The following RPTOR variants were observed in gnomAD, a reference collection of about 807,000 sequenced individuals.
RPTOR encodes the protein regulatory-associated protein of mTOR.
Under a neutral mutation model 169.9 loss-of-function variants are expected in RPTOR, and 21 were observed. That is an observed-to-expected ratio of 0.12 (90% confidence interval 0.09 to 0.18). RPTOR has a LOEUF of 0.18. RPTOR is among the 10% of genes least tolerant of loss of function. The probability of loss-of-function intolerance (pLI) is 1.00; values close to 1 mark genes in which losing one functional copy is unlikely to be tolerated. For missense variants in RPTOR, 1,133 were observed against 1,855.9 expected, an observed-to-expected ratio of 0.61 and a Z score of 7.16; for synonymous variants, 732 against 753.2, an observed-to-expected ratio of 0.97 and a Z score of 0.46.
intron 3 of RPTOR, among the ~76,000 whole-genome samples, chr17:80,698,403 C>G (rs1192909060): frequency 2.0e-5 from 3 of 151,610 alleles, no homozygotes; most frequent in Non-Finnish European, 4.4e-5. Flanking sequence ...AAGAAAGACA[C>G]CAGCTCCTCG....
chr17:80,888,641 A>T (rs2068277969), intron 17 of RPTOR, among the ~76,000 whole-genome samples: 1 of 152,216 alleles, frequency 6.6e-6, no homozygotes, highest in Non-Finnish European at 1.5e-5. Flanking sequence ...GATGTCCTTG[A>T]GTCCTGGCAC....
chr17:80,780,593 G>A (rs979978564), intron 6 of RPTOR, among the ~76,000 whole-genome samples: 1 of 152,118 alleles, frequency 6.6e-6, no homozygotes, highest in African/African-American at 2.4e-5. Flanking sequence ...CAGTCAGAGC[G>A]GAACCGTGAC....
At chr17:80,919,272 A>C (rs1044586655) in intron 21 of RPTOR, among the ~76,000 whole-genome samples, 2 of 152,210 alleles carry the variant, frequency 1.3e-5, no homozygotes, top group Non-Finnish European at 2.9e-5. Flanking sequence ...ACGCTTTTGC[A>C]GGGGTTTCTT....
chr17:80,837,247 C>G (rs1035907973), intron 9 of RPTOR, among the ~76,000 whole-genome samples: 17 of 152,104 alleles, frequency 1.1e-4, no homozygotes, highest in African/African-American at 2.4e-5. Flanking sequence ...GGGAGCAGCT[C>G]TATGCATGGT....
chr17:80,883,277 A>T, intron 14 of RPTOR, 142 bp from the exon 15 acceptor site: 1 of 740,022 alleles, frequency 1.4e-6, no homozygotes, highest in African/African-American at 1.7e-5. Flanking sequence ...GTCCACGTAA[A>T]ATCCAGGAGT....
At chr17:80,825,509 C>T (rs1312083316) in intron 9 of RPTOR, among the ~76,000 whole-genome samples, 3 of 152,254 alleles carry the variant, frequency 2.0e-5, no homozygotes, top group Non-Finnish European at 4.4e-5. Flanking sequence ...CCTCTCCCAG[C>T]GTTGCTGGGG....
chr17:80,885,195 C>T, intron 17 of RPTOR, 47 bp downstream of exon 17: 2 of 1,539,462 alleles, frequency 1.3e-6, no homozygotes, highest in Non-Finnish European at 1.8e-6. Flanking sequence ...CAGGCTGGAC[C>T]CCGTGACACC....
intron 7 of RPTOR, among the ~76,000 whole-genome samples, chr17:80,817,647 G>T (rs552587445): frequency 3.9e-5 from 6 of 152,130 alleles, no homozygotes; most frequent in Admixed American, 2.6e-4. Flanking sequence ...GAGAAGGGGT[G>T]GGGGAGGGAG....
rs1312997940 is a variant in RPTOR at position 80,545,762 on chromosome 17, T to C, written c.133T>C (p.Leu45=). The C allele has an allele frequency of 6.8e-6, 11 of 1,613,374 alleles. No homozygotes were observed. The highest frequency in any genetic ancestry group is 9.3e-6 in the Non-Finnish European group (11 of 1,179,702). ...HCEKIEGSKS[L]AQSWRMKDRM... ...TGAGAAAATTGAAGGCTCCAAATCC[T>C]TAGCTCAGAGCTGGAGGATGAAGGA... Residue 45 remains leucine (L), a synonymous_variant, in exon 1 of 34, where the codon TTA becomes CTA. Coordinates refer to ENST00000306801, the MANE Select transcript of RPTOR (RefSeq NM_020761.3).
In RPTOR at chr17:80,964,722, G is replaced by C. The variant is rs902755306; in HGVS notation, c.*392G>C. 4.2e-5 allele frequency: 12 copies of C among 285,366 alleles called. No individual in the cohort carries two copies. The Admixed American group carries it at 4.8e-4, about 11-fold the overall frequency. 17.7% of individuals were successfully genotyped at this position (285,366 alleles called of 1,614,324 possible). A position where few individuals can be genotyped will look rare whatever the true frequency, so the allele number is the denominator to read the frequency against. ...CCGACAGAGCCCTGGCGGAGAGGCA[G>C]GCGCTGGGGCTCCTACGGGTCCCTG... On this transcript the variant is annotated 3_prime_UTR_variant, in exon 34 of 34. Coordinates refer to ENST00000306801, the MANE Select transcript of RPTOR (RefSeq NM_020761.3).
chr17:80,932,829 A>G (rs1160604317), intron 24 of RPTOR, among the ~76,000 whole-genome samples: 4 of 152,220 alleles, frequency 2.6e-5, no homozygotes, highest in Admixed American at 2.6e-4. Flanking sequence ...GCACACACAC[A>G]TATACACACA....
intron 3 of RPTOR, among the ~76,000 whole-genome samples, chr17:80,644,836 C>T (rs1263293997): frequency 2.0e-5 from 3 of 152,292 alleles, no homozygotes; most frequent in South Asian, 2.1e-4. Context: ...TGCTTCCAGT[C>T]ATGAGCTAAT....
intron 3 of RPTOR, among the ~76,000 whole-genome samples, chr17:80,655,576 A>ATTTT (rs36041783): frequency 7.4e-6 from 1 of 135,714 alleles, no homozygotes. Context: ...CTAATTTTTA[A>ATTTT]TTTTTTTTTT....
chr17:80,605,281 A>T (rs991724538), intron 1 of RPTOR, among the ~76,000 whole-genome samples: 5 of 152,168 alleles, frequency 3.3e-5, no homozygotes, highest in Admixed American at 1.3e-4. Context: ...ACAGCAGTGG[A>T]TGTGCTCTCA....
chr17:80,626,629 G>C (rs2065396522), intron 2 of RPTOR, among the ~76,000 whole-genome samples: 1 of 151,624 alleles, frequency 6.6e-6, no homozygotes, highest in African/African-American at 2.4e-5. Context: ...TTTGAGAGCT[G>C]AGGAACATGA....
chr17:80,722,178 G>A (rs908356536), intron 4 of RPTOR, among the ~76,000 whole-genome samples: 1 of 150,928 alleles, frequency 6.6e-6, no homozygotes, highest in Non-Finnish European at 1.5e-5. Flanking sequence ...GTTGCAAAGT[G>A]CCGTCATCAT....
chr17:80,850,354 T>C (rs1262733576), intron 11 of RPTOR, among the ~76,000 whole-genome samples: 1 of 152,238 alleles, frequency 6.6e-6, no homozygotes, highest in East Asian at 1.9e-4. Flanking sequence ...CATAATGGCC[T>C]CCTGTTTCAC....
rs1463130937 is a variant in RPTOR, at chr17:80,960,311, G to A, written c.3605+106G>A. ...TTGGGTCCAGGTTTCTCAGTGAGAT[G>A]CAAAGCTTCCCCAGGAGCCTGCAGT... On this transcript the variant is annotated intron_variant, in intron 30 of 33. Transcript: ENST00000306801. The surrounding 1 kb of genome is among the most constrained non-coding windows in gnomAD (Gnocchi z 4.8). 6 of 1,467,900 alleles carry A rather than the reference G, an allele frequency of 4.1e-6. No individual in the cohort carries two copies. The highest frequency in any genetic ancestry group is 5.6e-6 in the Non-Finnish European group (6 of 1,071,582). 90.9% of individuals were successfully genotyped at this position (1,467,900 alleles called of 1,614,324 possible). A position where few individuals can be genotyped will look rare whatever the true frequency, so the allele number is the denominator to read the frequency against.
rs377182714 is a variant in RPTOR at position 80,960,089 on chromosome 17, G to T, written c.3489G>T (p.Thr1163=). 6.2e-7 allele frequency: 1 copy of T among 1,613,628 alleles called. No individual in the cohort carries two copies. The highest frequency in any genetic ancestry group is 2.2e-5 in the East Asian group (1 of 44,874). ...GTGTTTGGCTCTAGGACATCCCTAC[G>T]GGCGCAGACAGCTGTGTGACGAGTC... ...DREMKVQDIP[T]GADSCVTSLS... is the part of the protein sequence containing the mutation. Residue 1163 remains threonine (T), a synonymous_variant, in exon 30 of 34, where the codon ACG becomes ACT. Transcript: ENST00000306801. The surrounding 1 kb of genome is among the most constrained non-coding windows in gnomAD (Gnocchi z 4.8).
Sources: allele counts gnomAD v4.1 joint callset (sites outside exome capture counted in the v4.1 genomes callset), GRCh38; gene constraint gnomAD v4.1.1; non-coding constraint Gnocchi (gnomAD v3.1); transcripts MANE v1.5; gene names NCBI Gene and HGNC (gene_info 2026-07-23, HGNC 2026-07-21).